The following RAD54L2 variants were observed in gnomAD, a reference collection of about 807,000 sequenced individuals.
RAD54L2 encodes RAD54 like 2.
Under a neutral mutation model 138.4 loss-of-function variants are expected in RAD54L2, and 27 were observed. That is an observed-to-expected ratio of 0.20 (90% CI 0.14 to 0.27). RAD54L2 has a LOEUF of 0.27. Among genes scored for constraint, RAD54L2 ranks in the 10% least tolerant of loss-of-function variants. The pLI is 1.00. For missense variants in RAD54L2, 1,396 were observed against 1,890.2 expected, an observed-to-expected ratio of 0.74 and a Z score of 4.85; for synonymous variants, 644 against 723.2, an observed-to-expected ratio of 0.89 and a Z score of 1.76.
chr3:51,557,787 G>A (rs1173432674), intron 2 of RAD54L2, among the ~76,000 whole-genome samples: 3 of 130,228 alleles, frequency 2.3e-5, no homozygotes, highest in Non-Finnish European at 3.1e-5. Context: ...CCGAGATTGC[G>A]CCACTGCACT....
At chr3:51,551,449 T>G (rs1342735543) in intron 2 of RAD54L2, among the ~76,000 whole-genome samples, 2 of 151,988 alleles carry the variant, frequency 1.3e-5, no homozygotes, top group South Asian at 2.1e-4. Flanking sequence ...AATTTTTTTT[T>G]TTTTTAGGTG....
At chr3:51,652,276 TAA>T (rs1311017065) in intron 19 of RAD54L2, among the ~76,000 whole-genome samples, 2 of 151,922 alleles carry the variant, frequency 1.3e-5, no homozygotes, top group East Asian at 3.9e-4. Flanking sequence ...GCTCAACAAA[TAA>T]AAGAGGACAC....
At chr3:51,568,794 G>A (rs1280047846) in intron 2 of RAD54L2, among the ~76,000 whole-genome samples, 2 of 152,134 alleles carry the variant, frequency 1.3e-5, no homozygotes, top group Admixed American at 6.6e-5. Flanking sequence ...TAAATTTCCT[G>A]GTGGGGAATG....
chr3:51,644,092 T>A (rs1457374104), intron 16 of RAD54L2, 118 bp downstream of exon 16: 1 of 770,052 alleles, frequency 1.3e-6, no homozygotes, highest in Non-Finnish European at 2.1e-6. Context: ...TGTAACTTGT[T>A]TCTGGGGTCA....
At position 51,634,831 on chromosome 3, in the gene RAD54L2, C is replaced by T. The variant is rs58638756; in HGVS notation, c.1143-762C>T. On this transcript the variant is annotated intron_variant, in intron 9 of 22. Coordinates refer to ENST00000684192, the MANE Select transcript of RAD54L2 (RefSeq NM_015106.4). Reference sequence around the variant, plus strand: ...TTGTTTTAGATTTAAATAAAATTATCTATATATGTATGCCATAAAGTCAAC... The same window carrying T: ...TTGTTTTAGATTTAAATAAAATTATTTATATATGTATGCCATAAAGTCAAC... Among the ~76,000 whole-genome samples, 589 of 152,302 alleles carry T rather than the reference C, an allele frequency of 3.9e-3. 6 individuals are homozygous for T. Among genetic ancestry groups the T allele is most frequent in the African/African-American group, 0.013 (554 of 41,570 alleles).
At chr3:51,556,642 TCTCGG>T (rs1267674146) in intron 2 of RAD54L2, among the ~76,000 whole-genome samples, 18 of 152,214 alleles carry the variant, frequency 1.2e-4, no homozygotes, top group African/African-American at 4.3e-4. Flanking sequence ...AGTGGCATGA[TCTCGG>T]CTCATTGCAA....
rs1701038396 is a variant in RAD54L2, at chr3:51,638,246, G to C, written c.1785G>C (p.Met595Ile). The change falls in exon 12 of 23, where the codon ATG becomes ATC. Residue 595 changes from methionine (M) to isoleucine (I), a missense_variant. Met to Ile is a conservative substitution (Grantham distance 10). Around this residue, in one of 7 missense-constraint regions of RAD54L2, gnomAD observed 211 missense variants for 273.8 expected, o/e 0.77. Coordinates refer to ENST00000684192, the MANE Select transcript of RAD54L2 (RefSeq NM_015106.4). This position sits in a 1 kb window ranked among gnomAD's most constrained non-coding sequence, Gnocchi z 4.3. ...KIQRDLYTQFMDRFRDCGSSG... is the reference protein window; with the variant it reads ...KIQRDLYTQFIDRFRDCGSSG... The stretch of plus-strand genomic sequence containing the variant: ...AGCGAGATTTGTATACACAGTTCAT[G>C]GATCGCTTCCGGGACTGTGGTAGCA... The C allele has an allele frequency of 6.2e-7, 1 of 1,613,898 alleles. No homozygotes were observed. The highest frequency in any genetic ancestry group is 8.5e-7 in the Non-Finnish European group (1 of 1,179,894).
At chr3:51,573,761 T>A (rs1699395992) in intron 2 of RAD54L2, among the ~76,000 whole-genome samples, 1 of 152,212 alleles carries the variant, frequency 6.6e-6, no homozygotes, top group South Asian at 2.1e-4. Context: ...TTTTGGGATT[T>A]GTTAAGTGTT....
chr3:51,633,817 C>A, intron 8 of RAD54L2, 58 bp downstream of exon 8: 1 of 1,604,798 alleles, frequency 6.2e-7, no homozygotes, highest in South Asian at 1.1e-5. Flanking sequence ...TGTGTTAATG[C>A]CTTTACTGGG....
intron 18 of RAD54L2, among the ~76,000 whole-genome samples, chr3:51,646,056 A>G (rs1348777693): frequency 6.6e-6 from 1 of 152,168 alleles, no homozygotes; most frequent in African/African-American, 2.4e-5. Context: ...TAATTCTCTG[A>G]ACTCCCCCAT....
At chr3:51,545,483 C>G (rs570808206) in intron 2 of RAD54L2, among the ~76,000 whole-genome samples, 1 of 150,100 alleles carries the variant, frequency 6.7e-6, no homozygotes, top group African/African-American at 2.5e-5. Flanking sequence ...AGCCATGATG[C>G]CTGGCCACCC....
intron 3 of RAD54L2, among the ~76,000 whole-genome samples, chr3:51,594,126 A>G (rs1172737719): frequency 1.5e-5 from 2 of 130,212 alleles, no homozygotes. Context: ...GCTGGAGTGC[A>G]GTGGCATGAT....
intron 2 of RAD54L2, among the ~76,000 whole-genome samples, chr3:51,549,972 G>C (rs1436513110): frequency 6.6e-6 from 1 of 152,024 alleles, no homozygotes; most frequent in East Asian, 1.9e-4. Context: ...TCCTTCCCCA[G>C]GTATTAGAAC....
At chr3:51,552,451 A>G (rs1354473528) in intron 2 of RAD54L2, among the ~76,000 whole-genome samples, 2 of 151,152 alleles carry the variant, frequency 1.3e-5, no homozygotes, top group Non-Finnish European at 2.9e-5. Context: ...TTTAGTAGAG[A>G]CGAGGTTTCA....
chr3:51,592,038 G>A (rs2106713630), intron 3 of RAD54L2, among the ~76,000 whole-genome samples: 1 of 144,186 alleles, frequency 6.9e-6, no homozygotes, highest in South Asian at 2.2e-4. Context: ...ATGTAGCTGT[G>A]CAATTTGGTT....
chr3:51,630,971 T>A (rs1000421047), intron 7 of RAD54L2, 40 bp downstream of exon 7: 2 of 1,558,654 alleles, frequency 1.3e-6, no homozygotes, highest in Non-Finnish European at 1.8e-6. Context: ...TTCCTTTTTG[T>A]TTCCTTGTTG....
chr3:51,560,454 G>A (rs71329059), intron 2 of RAD54L2, among the ~76,000 whole-genome samples: 1 of 151,404 alleles, frequency 6.6e-6, no homozygotes, highest in Admixed American at 6.6e-5. Context: ...CCGCCTCCTG[G>A]GATCACGCCA....
chr3:51,574,118 A>G (rs1699407157), intron 2 of RAD54L2, among the ~76,000 whole-genome samples: 1 of 151,400 alleles, frequency 6.6e-6, no homozygotes, highest in Non-Finnish European at 1.5e-5. Flanking sequence ...TACTTGTGAT[A>G]GTTTGCTCAG....
intron 2 of RAD54L2, among the ~76,000 whole-genome samples, chr3:51,543,724 T>A (rs1553671733): frequency 6.6e-6 from 1 of 152,104 alleles, no homozygotes; most frequent in East Asian, 1.9e-4. Flanking sequence ...CCCTTCTTTA[T>A]CTTCCTTTCT....
Sources: gnomAD v4.1 joint callset for allele counts (sites outside exome capture counted in the v4.1 genomes callset) on GRCh38, gnomAD v4.1.1 for gene constraint, gnomAD v4.1.1 regional missense constraint, Gnocchi (gnomAD v3.1) non-coding constraint, MANE v1.5 for transcripts, NCBI Gene and HGNC (gene_info 2026-07-23, HGNC 2026-07-21) for gene names.